TRPC6: variants seen among roughly 807,000 people sequenced by gnomAD.
The protein encoded by TRPC6 is short transient receptor potential channel 6.
Under a neutral mutation model 90.7 loss-of-function variants are expected in TRPC6, and 55 were observed. That is an observed-to-expected ratio of 0.61 (90% CI 0.49 to 0.76). The LOEUF is 0.76. Among genes scored for constraint, TRPC6 ranks in the 30% least tolerant of loss-of-function variants. The pLI is 0.00. For synonymous variants in TRPC6, 393 were observed against 393.0 expected, an observed-to-expected ratio of 1.00 and a Z score of 0.00; for missense variants, 989 against 1,122.7, an observed-to-expected ratio of 0.88 and a Z score of 1.70.
chr11:101,464,612 C>G (rs1859097763), intron 10 of TRPC6, among the ~76,000 whole-genome samples: 1 of 152,014 alleles, frequency 6.6e-6, no homozygotes, highest in Non-Finnish European at 1.5e-5. Context: ...ATTGCAACAC[C>G]TGCTTTTTTT....
At chr11:101,508,362 A>C (rs1045124073) in intron 1 of TRPC6, among the ~76,000 whole-genome samples, 1 of 152,132 alleles carries the variant, frequency 6.6e-6, no homozygotes, top group Non-Finnish European at 1.5e-5. Flanking sequence ...AGTGAGCCTA[A>C]TGTTGGTTTT....
intron 5 of TRPC6, among the ~76,000 whole-genome samples, chr11:101,482,036 G>A (rs1030830820): frequency 2.6e-5 from 4 of 152,112 alleles, no homozygotes; most frequent in Admixed American, 6.5e-5. Flanking sequence ...TGAAGATACT[G>A]CCCAGGAAGG....
intron 1 of TRPC6, among the ~76,000 whole-genome samples, chr11:101,557,944 AGTGATCTACAGATTAC>A (rs1182790518): frequency 1.3e-5 from 2 of 152,248 alleles, no homozygotes; most frequent in South Asian, 2.1e-4. Flanking sequence ...TACTAGCCAA[AGTGATCTACAGATTAC>A]GTGATCTACA....
intron 9 of TRPC6, among the ~76,000 whole-genome samples, chr11:101,470,744 G>A (rs1460828403): frequency 6.7e-6 from 1 of 148,490 alleles, no homozygotes; most frequent in African/African-American, 2.5e-5. Context: ...CAAATTCTAT[G>A]TGAGCAACTG....
chr11:101,525,243 G>A (rs896107569), intron 1 of TRPC6, among the ~76,000 whole-genome samples: 2 of 152,214 alleles, frequency 1.3e-5, no homozygotes, highest in Admixed American at 6.5e-5. Flanking sequence ...ATGGACTTTG[G>A]CTCGAATCCT....
intron 1 of TRPC6, among the ~76,000 whole-genome samples, chr11:101,565,334 A>G (rs1365941658): frequency 6.6e-6 from 1 of 152,136 alleles, no homozygotes; most frequent in African/African-American, 2.4e-5. Context: ...TTTAGTTAAT[A>G]GCAAAATGTT....
At chr11:101,463,705 CTTT>C (rs1276901130) in intron 10 of TRPC6, among the ~76,000 whole-genome samples, 2 of 152,070 alleles carry the variant, frequency 1.3e-5, no homozygotes, top group African/African-American at 2.4e-5. Context: ...CTCTTTTCTT[CTTT>C]ATTAGCCTGG....
intron 6 of TRPC6, among the ~76,000 whole-genome samples, chr11:101,475,387 C>T (rs1565208469): frequency 6.6e-6 from 1 of 152,112 alleles, no homozygotes; most frequent in Non-Finnish European, 1.5e-5. Flanking sequence ...AGCTAATTAA[C>T]ATATTCATCA....
Position 101,469,712 on chromosome 11 carries a change from C to A in TRPC6, c.2410-211G>T, listed in dbSNP as rs146395383. ...TGCAGTTCTAACCAGACCTGTAAAC[C>A]ACCCATTTAATTAAGTAAAATAAAG... is the stretch of plus-strand genomic sequence containing the variant. On this transcript the variant is annotated intron_variant, in intron 9 of 12. Transcript: ENST00000344327. Among the ~76,000 whole-genome samples, 9 of 152,244 alleles carry A rather than the reference C, an allele frequency of 5.9e-5. No individual in the cohort carries two copies. In the East Asian group the frequency reaches 1.4e-3, roughly 23 times the overall value.
In TRPC6 at chr11:101,472,013, T is replaced by A. The variant is rs893054978; in HGVS notation, c.2205+124A>T. 4.5e-5 allele frequency: 44 copies of A among 975,792 alleles called. No homozygotes were observed. The South Asian group carries it at 5.5e-4, about 12-fold the overall frequency. 60.4% of individuals were successfully genotyped at this position (975,792 alleles called of 1,614,324 possible). A position where few individuals can be genotyped will look rare whatever the true frequency, so the allele number is the denominator to read the frequency against. On this transcript the variant is annotated intron_variant, in intron 8 of 12. Coordinates refer to ENST00000344327, the MANE Select transcript of TRPC6 (RefSeq NM_004621.6). Reference sequence around the variant, plus strand: ...TTTTCCAGATTACTGGTCAAACGAGTGTATAAAACAGGGAATGAACAAAGG... The same window carrying A: ...TTTTCCAGATTACTGGTCAAACGAGAGTATAAAACAGGGAATGAACAAAGG...
intron 1 of TRPC6, among the ~76,000 whole-genome samples, chr11:101,538,185 T>C (rs2136813295): frequency 6.6e-6 from 1 of 152,344 alleles, no homozygotes; most frequent in East Asian, 1.9e-4. Context: ...TTATTTCTAA[T>C]ACCTCAGTTC....
At chr11:101,518,401 C>A (rs1860572379) in intron 1 of TRPC6, among the ~76,000 whole-genome samples, 1 of 152,044 alleles carries the variant, frequency 6.6e-6, no homozygotes, top group African/African-American at 2.4e-5. Flanking sequence ...ATAGAAATTT[C>A]TCAAAAGAAG....
At chr11:101,519,120 A>G (rs565517161) in intron 1 of TRPC6, among the ~76,000 whole-genome samples, 1 of 152,338 alleles carries the variant, frequency 6.6e-6, no homozygotes, top group South Asian at 2.1e-4. Flanking sequence ...AAGACCTACT[A>G]TTTGATAGCA....
Position 101,583,687 on chromosome 11 carries a change from G to A in TRPC6, c.-184C>T. Reference sequence around the variant, plus strand: ...CCGCAAGTGGCTCGCCCACTGGCCCGGGGAAAAGTCACCACTTAAGGGGGT... The same window carrying A: ...CCGCAAGTGGCTCGCCCACTGGCCCAGGGAAAAGTCACCACTTAAGGGGGT... On this transcript the variant is annotated 5_prime_UTR_variant, in exon 1 of 13. Coordinates refer to ENST00000344327, the MANE Select transcript of TRPC6 (RefSeq NM_004621.6). 1 of 579,290 alleles carries A rather than the reference G, an allele frequency of 1.7e-6. No individual in the cohort carries two copies. The highest frequency in any genetic ancestry group is 2.8e-6 in the Non-Finnish European group (1 of 361,038). The allele number at this position is 579,290 out of a possible 1,614,324, so 35.9% of individuals were successfully genotyped here. A position where few individuals can be genotyped will look rare whatever the true frequency, so the allele number is the denominator to read the frequency against.
intron 3 of TRPC6, among the ~76,000 whole-genome samples, chr11:101,491,133 C>A (rs1034172849): frequency 6.6e-5 from 10 of 152,152 alleles, no homozygotes; most frequent in African/African-American, 2.4e-4. Context: ...GTTAGAGAAT[C>A]TGCCTAGTGC....
chr11:101,545,646 A>G (rs1268920327), intron 1 of TRPC6, among the ~76,000 whole-genome samples: 1 of 152,220 alleles, frequency 6.6e-6, no homozygotes, highest in Admixed American at 6.5e-5. Context: ...CCAAATAGTC[A>G]GATAAAACAC....
intron 10 of TRPC6, among the ~76,000 whole-genome samples, chr11:101,457,389 T>A (rs1858908045): frequency 6.6e-6 from 1 of 152,200 alleles, no homozygotes; most frequent in Admixed American, 6.6e-5. Context: ...TAGGTTCATT[T>A]TAGGATTAGA....
intron 1 of TRPC6, among the ~76,000 whole-genome samples, chr11:101,570,318 T>C (rs4378349): frequency 0.38 from 57,459 of 151,964 alleles, 11,537 homozygotes; most frequent in Non-Finnish European, 0.46. Flanking sequence ...CCAAGACTAA[T>C]CCAGGTAGAG....
In TRPC6 at chr11:101,498,002, G is replaced by A. The variant is rs147379116; in HGVS notation, c.945+6022C>T. Among the ~76,000 whole-genome samples, 702 of 152,264 alleles carry A rather than the reference G, an allele frequency of 4.6e-3. 5 individuals are homozygous for A. Among genetic ancestry groups the A allele is most frequent in the African/African-American group, 0.016 (668 of 41,550 alleles). On this transcript the variant is annotated intron_variant, in intron 2 of 12. Transcript: ENST00000344327. Reference sequence around the variant, plus strand: ...AGAGGGAATTAGAGACATAAGTCCTGGGCACATATTGAGAACTAAAATGAA... The same window carrying A: ...AGAGGGAATTAGAGACATAAGTCCTAGGCACATATTGAGAACTAAAATGAA...
Sources: gnomAD v4.1 joint callset for allele counts (sites outside exome capture counted in the v4.1 genomes callset) on GRCh38, gnomAD v4.1.1 for gene constraint, MANE v1.5 for transcripts, NCBI Gene and HGNC (gene_info 2026-07-23, HGNC 2026-07-21) for gene names.